Variants in TRPC6 observed in about 807,000 individuals in gnomAD.
The protein encoded by TRPC6 is transient receptor potential cation channel subfamily C member 6.
In TRPC6, 55 loss-of-function variants were observed where a neutral mutation model predicts 90.7. The ratio of observed to expected loss-of-function variants is 0.61; its 90% CI spans 0.49 to 0.76. The LOEUF is 0.76. Ranked by LOEUF, TRPC6 falls within the 30% of genes least tolerant of loss-of-function variation. TRPC6 has a pLI of 0.00. For synonymous variants in TRPC6, 393 were observed against 393.0 expected (o/e 1.00, Z 0.00); for missense variants, 989 against 1,122.7 (o/e 0.88, Z 1.70).
intron 1 of TRPC6, 73 bp downstream of exon 1, chr11:101,583,261 G>C (rs1862240012): frequency 4.6e-6 from 7 of 1,512,622 alleles, no homozygotes; most frequent in South Asian, 1.2e-5. Context: ...GGACGGACTC[G>C]GCCACTCCTG....
intron 1 of TRPC6, among the ~76,000 whole-genome samples, chr11:101,532,167 G>A (rs1454625090): frequency 1.3e-5 from 2 of 152,198 alleles, no homozygotes; most frequent in African/African-American, 4.8e-5. Flanking sequence ...CAATGGTACA[G>A]GTCTCTTTCC....
In TRPC6 at chr11:101,574,309, T is replaced by C. The variant is rs566834805; in HGVS notation, c.170+9025A>G. ...ATTTTTTAATTATGTGCATAAGAGT[T>C]ATATATGATCCAAATCTATATCTAA... is the stretch of plus-strand genomic sequence containing the variant. On this transcript the variant is annotated intron_variant, in intron 1 of 12. Transcript: ENST00000344327. 6.1e-4 allele frequency among the ~76,000 whole-genome samples: 92 copies of C among 151,148 alleles called. 1 individual carries two copies. Among genetic ancestry groups the C allele is most frequent in the Non-Finnish European group, 9.1e-4 (62 of 67,904 alleles).
At chr11:101,454,402 T>G (rs2136637914) in intron 11 of TRPC6, among the ~76,000 whole-genome samples, 1 of 152,162 alleles carries the variant, frequency 6.6e-6, no homozygotes, top group Middle Eastern at 3.4e-3. Flanking sequence ...CATTAACAAG[T>G]ATGTTCATAG....
chr11:101,581,792 G>T (rs1181278190), intron 1 of TRPC6, among the ~76,000 whole-genome samples: 1 of 152,154 alleles, frequency 6.6e-6, no homozygotes, highest in Non-Finnish European at 1.5e-5. Flanking sequence ...TAGCAACCTT[G>T]TCATCATCTG....
chr11:101,543,042 C>A (rs139612676), intron 1 of TRPC6, among the ~76,000 whole-genome samples: 297 of 152,120 alleles, frequency 2.0e-3, no homozygotes, highest in African/African-American at 6.7e-3. Context: ...CAGTAAAGAA[C>A]CTCTATCCAG....
At chr11:101,491,773 GAGAATACCACGTTTTACTATGCTTC>G in intron 2 of TRPC6, 35 bp from the exon 3 acceptor site, 1 of 1,587,612 alleles carries the variant, frequency 6.3e-7, no homozygotes, top group Non-Finnish European at 8.6e-7. Flanking sequence ...AGCAATAATG[GAGAATACCACGTTTTACTATGCTTC>G]AGAGACTTGA....
chr11:101,570,776 T>A (rs1861945384), intron 1 of TRPC6, among the ~76,000 whole-genome samples: 1 of 152,142 alleles, frequency 6.6e-6, no homozygotes. Context: ...AAAAACCATG[T>A]GATGATCTCA....
Position 101,482,995 on chromosome 11 carries a change from T to G in TRPC6, c.1464A>C (p.Thr488=), listed in dbSNP as rs942110140. ...GCATCTCCATCCATGAGAAGCAGGA[T>G]GTTTTCATCCTGAACAGCTGTTTTG... ...DNAKQLFRMK[T]SCFSWMEMLI... The change falls in exon 5 of 13, where the codon ACA becomes ACC. Residue 488 remains threonine (T), a synonymous_variant. Coordinates refer to ENST00000344327, the MANE Select transcript of TRPC6 (RefSeq NM_004621.6). The G allele has an allele frequency of 6.2e-6, 10 of 1,613,918 alleles. No homozygotes were observed. The African/African-American group carries it at 8.0e-5, about 13-fold the overall frequency.
chr11:101,564,290 T>C (rs1861780953), intron 1 of TRPC6, among the ~76,000 whole-genome samples: 1 of 152,198 alleles, frequency 6.6e-6, no homozygotes, highest in African/African-American at 2.4e-5. Flanking sequence ...TTGATATAAA[T>C]GAGTATGATT....
chr11:101,577,390 T>G (rs181039953), intron 1 of TRPC6, among the ~76,000 whole-genome samples: 1 of 152,360 alleles, frequency 6.6e-6, no homozygotes, highest in Admixed American at 6.5e-5. Flanking sequence ...TGTCATGTTC[T>G]GATGTGACTG....
chr11:101,485,168 G>A (rs1859647207), intron 4 of TRPC6, among the ~76,000 whole-genome samples: 1 of 128,016 alleles, frequency 7.8e-6, no homozygotes, highest in South Asian at 2.6e-4. Context: ...GAGTTTTAAA[G>A]CCAATAGATT....
At chr11:101,483,460 A>G (rs1490128890) in intron 4 of TRPC6, among the ~76,000 whole-genome samples, 2 of 152,216 alleles carry the variant, frequency 1.3e-5, no homozygotes, top group African/African-American at 4.8e-5. Context: ...ATAGAGCATA[A>G]TAATATCAGC....
chr11:101,468,773 T>C (rs542830933), intron 10 of TRPC6, among the ~76,000 whole-genome samples: 4 of 152,186 alleles, frequency 2.6e-5, no homozygotes, highest in Non-Finnish European at 4.4e-5. Flanking sequence ...TAAACCACCA[T>C]GATTTGGATT....
intron 4 of TRPC6, 114 bp from the exon 5 acceptor site, chr11:101,483,279 A>T: frequency 8.3e-7 from 1 of 1,211,360 alleles, no homozygotes. Context: ...TCCTGAGATA[A>T]TTGTTTATAT....
chr11:101,519,697 A>C (rs1343983404), intron 1 of TRPC6: 1 of 153,442 alleles, frequency 6.5e-6, no homozygotes, highest in East Asian at 2.0e-4. Flanking sequence ...ACTTTTCAAA[A>C]TTCTGAGCTG....
intron 5 of TRPC6, among the ~76,000 whole-genome samples, chr11:101,477,852 G>T (rs997809437): frequency 5.9e-5 from 9 of 152,058 alleles, no homozygotes; most frequent in Non-Finnish European, 1.2e-4. Flanking sequence ...TCCATGATTG[G>T]CACATGTATT....
intron 1 of TRPC6, among the ~76,000 whole-genome samples, chr11:101,549,094 T>C (rs1388442329): frequency 1.3e-5 from 2 of 151,910 alleles, no homozygotes; most frequent in Non-Finnish European, 2.9e-5. Flanking sequence ...GATTGTGAGA[T>C]GTACAGATCA....
intron 2 of TRPC6, among the ~76,000 whole-genome samples, chr11:101,500,587 C>A (rs185453721): frequency 6.6e-6 from 1 of 152,064 alleles, no homozygotes; most frequent in Admixed American, 6.6e-5. Flanking sequence ...AAAGACAACT[C>A]TTTCCAGAGT....
intron 1 of TRPC6, among the ~76,000 whole-genome samples, chr11:101,581,962 T>C (rs1862206730): frequency 6.6e-6 from 1 of 152,190 alleles, no homozygotes; most frequent in African/African-American, 2.4e-5. Flanking sequence ...ACACATCAAG[T>C]GTAAGATTTC....
Sources: gnomAD v4.1 joint callset for allele counts (sites outside exome capture counted in the v4.1 genomes callset) on GRCh38, gnomAD v4.1.1 for gene constraint, MANE v1.5 for transcripts, NCBI Gene and HGNC (gene_info 2026-07-23, HGNC 2026-07-21) for gene names.